Variants in TXK observed in about 807,000 individuals in gnomAD.
The protein encoded by TXK is TXK tyrosine kinase.
Under a neutral mutation model 81.0 loss-of-function variants are expected in TXK, and 60 were observed. The observed-to-expected ratio is 0.74, with a 90% CI of 0.60 to 0.92. TXK has a LOEUF of 0.92. Among genes scored for constraint, TXK ranks in the 40% least tolerant of loss-of-function variants. The pLI, the probability that TXK is intolerant of heterozygous loss-of-function variation, is 0.00. For synonymous variants in TXK, 203 were observed against 210.7 expected (o/e 0.96, Z 0.32); for missense variants, 581 against 638.3 (o/e 0.91, Z 0.97).
At chr4:48,093,284 G>A (rs1717849483) in intron 8 of TXK, among the ~76,000 whole-genome samples, 1 of 152,210 alleles carries the variant, frequency 6.6e-6, no homozygotes, top group Admixed American at 6.5e-5. Flanking sequence ...CTTTCCAAAA[G>A]GAATATTTGT....
chr4:48,125,034 C>T (rs1719052956), intron 1 of TXK, among the ~76,000 whole-genome samples: 1 of 152,154 alleles, frequency 6.6e-6, no homozygotes, highest in South Asian at 2.1e-4. Context: ...TTACCATATG[C>T]CAGGCATGAC....
chr4:48,112,055 A>C (rs1284839014), intron 4 of TXK, among the ~76,000 whole-genome samples: 1 of 152,254 alleles, frequency 6.6e-6, no homozygotes, highest in Non-Finnish European at 1.5e-5. Flanking sequence ...ATAAAGAAAC[A>C]AAAACTCAGA....
rs779283425 is a variant in TXK, at chr4:48,110,528, G to A, written c.446+10C>T. On this transcript the variant is annotated intron_variant, in intron 5 of 14. Coordinates refer to ENST00000264316, the MANE Select transcript of TXK (RefSeq NM_003328.3). ...TGATTTTCATAGGTTATATTTTGGA[G>A]AAGACTTACTCATATATTTCTAAAT... The A allele has an allele frequency of 1.3e-6, 2 of 1,591,764 alleles. No homozygotes were observed. The highest frequency in any genetic ancestry group is 1.7e-6 in the Non-Finnish European group (2 of 1,160,798).
At chr4:48,081,526 T>C (rs1245207097) in intron 10 of TXK, among the ~76,000 whole-genome samples, 2 of 152,342 alleles carry the variant, frequency 1.3e-5, no homozygotes, top group African/African-American at 2.4e-5. Flanking sequence ...GGATTCATCA[T>C]AGGGCAAACA....
chr4:48,099,475 C>G (rs1171715123), intron 6 of TXK, among the ~76,000 whole-genome samples: 1 of 152,092 alleles, frequency 6.6e-6, no homozygotes. Context: ...ATCCCCAAAC[C>G]TCATTGATTT....
intron 1 of TXK, among the ~76,000 whole-genome samples, chr4:48,132,685 C>T (rs1453024069): frequency 6.6e-6 from 1 of 152,168 alleles, no homozygotes; most frequent in African/African-American, 2.4e-5. Flanking sequence ...TGTGGTGGCT[C>T]ATGCCTGTAA....
chr4:48,086,314 G>T, intron 10 of TXK, 152 bp downstream of exon 10: 1 of 730,586 alleles, frequency 1.4e-6, no homozygotes, highest in African/African-American at 1.8e-5. Flanking sequence ...ATTCACCCAG[G>T]TCACACAGTG....
At chr4:48,097,128 G>A (rs1019278693) in intron 6 of TXK, among the ~76,000 whole-genome samples, 9 of 152,086 alleles carry the variant, frequency 5.9e-5, no homozygotes, top group African/African-American at 2.2e-4. Context: ...AATATGACTA[G>A]TAAATTCAAA....
chr4:48,080,195 T>A, intron 10 of TXK, 67 bp from the exon 11 acceptor site: 1 of 1,137,852 alleles, frequency 8.8e-7, no homozygotes, highest in Non-Finnish European at 1.3e-6. Context: ...TGAACATAAC[T>A]GGTAGTATTT....
rs777180133 is a variant in TXK, at chr4:48,094,152, G to T, written c.634C>A (p.Gln212Lys). The part of the protein sequence containing the change: ...HYQIKKNDSG[Q>K]WYVAERHAFQ... ...GCGTGTCTTTCAGCCACATACCACT[G>T]TCCTGAGTCATTCTTTTTTATCTGA... Residue 212 changes from glutamine (Q) to lysine (K), a missense_variant, in exon 8 of 15, where the codon CAG becomes AAG. Gln to Lys is a moderately conservative substitution (Grantham distance 53, BLOSUM62 1). Transcript: ENST00000264316. The T allele has an allele frequency of 1.2e-6, 2 of 1,613,816 alleles. No homozygotes were observed. Among genetic ancestry groups the T allele is most frequent in the Non-Finnish European group, 1.7e-6 (2 of 1,179,954 alleles).
chr4:48,067,611 T>C lies in TXK; in HGVS notation c.*26A>G. The C allele has an allele frequency of 6.2e-7, 1 of 1,611,962 alleles. No individual in the cohort carries two copies. Among genetic ancestry groups the C allele is most frequent in the Non-Finnish European group, 8.5e-7 (1 of 1,178,014 alleles). On this transcript the variant is annotated 3_prime_UTR_variant, in exon 15 of 15. Transcript: ENST00000264316. Reference sequence around the variant, plus strand: ...ATAAATGACAGTTTTGCAAGATGACTCTTTGGGTTGGCATTCTGTTTCCGG... The same window carrying C: ...ATAAATGACAGTTTTGCAAGATGACCCTTTGGGTTGGCATTCTGTTTCCGG...
chr4:48,087,715 A>G (rs1393313067), intron 9 of TXK, among the ~76,000 whole-genome samples: 1 of 152,200 alleles, frequency 6.6e-6, no homozygotes, highest in African/African-American at 2.4e-5. Flanking sequence ...GATTATAGGC[A>G]TGAGCCACCA....
intron 11 of TXK, 48 bp from the exon 12 acceptor site, chr4:48,076,514 C>T: frequency 6.5e-7 from 1 of 1,545,098 alleles, no homozygotes; most frequent in South Asian, 1.2e-5. Context: ...GCTTTTATTT[C>T]AAGAGTTTTT....
At chr4:48,130,074 A>G (rs979883107) in intron 1 of TXK, among the ~76,000 whole-genome samples, 1 of 152,156 alleles carries the variant, frequency 6.6e-6, no homozygotes, top group African/African-American at 2.4e-5. Context: ...CGAGTTAAAA[A>G]CTGAAATGAT....
At chr4:48,094,982 T>C (rs1041562194) in intron 7 of TXK, among the ~76,000 whole-genome samples, 161 bp downstream of exon 7, 1 of 152,222 alleles carries the variant, frequency 6.6e-6, no homozygotes, top group African/African-American at 2.4e-5. Context: ...ACTTATGCAA[T>C]GTCACACAGA....
intron 14 of TXK, among the ~76,000 whole-genome samples, chr4:48,068,122 T>G (rs1716681044): frequency 1.3e-5 from 2 of 152,200 alleles, no homozygotes; most frequent in Non-Finnish European, 2.9e-5. Flanking sequence ...ATTATATAAA[T>G]GTTTAAATTC....
intron 9 of TXK, 125 bp downstream of exon 9, chr4:48,089,624 TA>T: frequency 2.8e-6 from 2 of 712,694 alleles, no homozygotes; most frequent in South Asian, 1.6e-5. Flanking sequence ...ACGCCTGACC[TA>T]AGGTGATCCA....
intron 1 of TXK, among the ~76,000 whole-genome samples, chr4:48,132,362 C>G (rs922914738): frequency 6.6e-6 from 1 of 152,106 alleles, no homozygotes; most frequent in Admixed American, 6.5e-5. Context: ...ACTGAATAGT[C>G]TTCCAAAGCA....
chr4:48,085,755 G>A (rs1377568872), intron 10 of TXK, among the ~76,000 whole-genome samples: 1 of 152,138 alleles, frequency 6.6e-6, no homozygotes, highest in African/African-American at 2.4e-5. Context: ...GGCAGTCAGA[G>A]ACGAGATCGG....
Sources: gnomAD v4.1 joint callset for allele counts (sites outside exome capture counted in the v4.1 genomes callset) on GRCh38, gnomAD v4.1.1 for gene constraint, MANE v1.5 for transcripts, NCBI Gene and HGNC (gene_info 2026-07-23, HGNC 2026-07-21) for gene names.